The following NOP9 variants were observed in gnomAD, a reference collection of about 807,000 sequenced individuals.
The protein encoded by NOP9 is NOP9 nucleolar protein, also known as nucleolar protein 9.
Under a neutral mutation model 63.0 loss-of-function variants are expected in NOP9, and 50 were observed. The ratio of observed to expected loss-of-function variants is 0.79; its 90% CI spans 0.63 to 1.00. The LOEUF is 1.00. Among genes scored for constraint, NOP9 ranks in the 50% least tolerant of loss-of-function variants. The pLI, the probability that NOP9 is intolerant of heterozygous loss-of-function variation, is 0.00. For missense variants in NOP9, 758 were observed against 803.0 expected, an observed-to-expected ratio of 0.94 and a Z score of 0.68; for synonymous variants, 343 against 332.8, an observed-to-expected ratio of 1.03 and a Z score of -0.33.
rs976542454 is a variant in NOP9 at position 24,300,283 on chromosome 14, G to A, written c.247+82G>A. 2.5e-6 allele frequency: 4 copies of A among 1,578,394 alleles called. No homozygotes were observed. The African/African-American group carries it at 5.4e-5, about 21-fold the overall frequency. On this transcript the variant is annotated intron_variant, in intron 1 of 9. Transcript: ENST00000267425. ...AACTTTCTAGGGTCGGCAGGGCGTG[G>A]GGACTTAGTTTCATTTCCCATGTCC... is the stretch of plus-strand genomic sequence containing the variant.
At chr14:24,293,887 T>G in the NOP9 span, 1 of 152,134 alleles carries the variant, frequency 6.6e-6, no homozygotes, top group Non-Finnish European at 1.5e-5. Flanking sequence ...GCAATACAGG[T>G]GTTAACAGTA....
In NOP9 at chr14:24,307,160, TC is replaced by T; in HGVS notation, c.*2067del. ...TTCTGTCCCTCGAACTCTCCCTATC[TC>T]CTGCTAACCCCTGCTCCCATAGAAA... is the stretch of plus-strand genomic sequence containing the variant. On this transcript the variant is annotated 3_prime_UTR_variant, in exon 10 of 10. Coordinates refer to ENST00000267425, the MANE Select transcript of NOP9 (RefSeq NM_174913.3). 2.1e-6 allele frequency: 1 copy of T among 471,464 alleles called. No individual in the cohort carries two copies. The highest frequency in any genetic ancestry group is 3.8e-6 in the Non-Finnish European group (1 of 265,634). 29.2% of individuals were successfully genotyped at this position (471,464 alleles called of 1,614,324 possible). A position where few individuals can be genotyped will look rare whatever the true frequency, so the allele number is the denominator to read the frequency against.
upstream of NOP9, chr14:24,296,921 G>A (rs748405116): frequency 1.2e-5 from 19 of 1,612,190 alleles, no homozygotes; most frequent in South Asian, 1.9e-4. Flanking sequence ...ATTCACACAT[G>A]GGTGTGAGTC....
In NOP9 at chr14:24,304,157, G is replaced by C. The variant is rs770265170; in HGVS notation, c.1527G>C (p.Leu509Phe). 1 of 1,614,258 alleles carries C rather than the reference G, an allele frequency of 6.2e-7. No individual in the cohort carries two copies. The highest frequency in any genetic ancestry group is 1.7e-5 in the Admixed American group (1 of 60,036). The change falls in exon 8 of 10, where the codon TTG (leucine) becomes TTC (phenylalanine). Residue 509 changes from leucine (L) to phenylalanine (F), a missense_variant. Leu to Phe is a conservative substitution (Grantham distance 22). Coordinates refer to ENST00000267425, the MANE Select transcript of NOP9 (RefSeq NM_174913.3). ...PGLVLRSLGA[L>F]TGPQLLSLAQ... ...TTGTACTTCGAAGTCTGGGTGCCTT[G>C]ACGGGACCACAGCTTCTGTCCCTTG... is the stretch of plus-strand genomic sequence containing the variant.
At chr14:24,292,151 G>A in the NOP9 span, 1 of 1,613,810 alleles carries the variant, frequency 6.2e-7, no homozygotes, top group East Asian at 2.2e-5. Flanking sequence ...CGACTCCCCT[G>A]TTCTCTGCTT....
At chr14:24,281,637 C>T in the NOP9 span, among the ~76,000 whole-genome samples, 24 of 152,184 alleles carry the variant, frequency 1.6e-4, no homozygotes, top group Admixed American at 2.6e-4. Context: ...GGGTAGAAGA[C>T]GCCAGGAGAA....
the NOP9 span, chr14:24,294,227 G>A: frequency 2.0e-5 from 3 of 152,064 alleles, no homozygotes; most frequent in Admixed American, 1.3e-4. Flanking sequence ...CAGATTTGAC[G>A]TAAAATTAAG....
the NOP9 span, among the ~76,000 whole-genome samples, chr14:24,285,855 G>A: frequency 6.6e-6 from 1 of 152,118 alleles, no homozygotes; most frequent in Non-Finnish European, 1.5e-5. Context: ...TGGGCGTGGT[G>A]GCAGGCGCCT....
the NOP9 span, among the ~76,000 whole-genome samples, chr14:24,290,112 A>G: frequency 6.6e-6 from 1 of 152,240 alleles, no homozygotes; most frequent in Non-Finnish European, 1.5e-5. Context: ...TGCATAGGCA[A>G]GGCAGCTCTA....
upstream of NOP9, chr14:24,299,433 C>T (rs554916635): frequency 1.1e-4 from 28 of 264,564 alleles, no homozygotes; most frequent in Admixed American, 1.5e-4. Flanking sequence ...CCCCTCGGGG[C>T]GCGTCCACGC....
Position 24,308,179 on chromosome 14 carries a change from G to A in NOP9, c.*3084G>A, listed in dbSNP as rs1215868782. 7.9e-6 allele frequency: 3 copies of A among 379,986 alleles called. No homozygotes were observed. The allele number at this position is 379,986 out of a possible 1,614,324, so 23.5% of individuals were successfully genotyped here. ...TGTAAAAGGATGAAATGTGACTTCTGGTGTTTTTTTATTTCTATGGAGGGA... is the reference window on the plus strand; with the variant it reads ...TGTAAAAGGATGAAATGTGACTTCTAGTGTTTTTTTATTTCTATGGAGGGA... On this transcript the variant is annotated 3_prime_UTR_variant, in exon 10 of 10. Coordinates refer to ENST00000267425, the MANE Select transcript of NOP9 (RefSeq NM_174913.3).
In NOP9 at chr14:24,300,848, C is replaced by G. The variant is rs1033986201; in HGVS notation, c.688C>G (p.Gln230Glu). 17 of 1,611,970 alleles carry G rather than the reference C, an allele frequency of 1.1e-5. No homozygotes were observed. The highest frequency in any genetic ancestry group is 1.4e-5 in the Non-Finnish European group (16 of 1,178,634). The change falls in exon 2 of 10, where the codon CAA becomes GAA. Residue 230 changes from glutamine (Q) to glutamate (E), a missense_variant. Gln to Glu is a conservative substitution (Grantham distance 29). Coordinates refer to ENST00000267425, the MANE Select transcript of NOP9 (RefSeq NM_174913.3). ...TGAGAGAGCCAGGCCCCGTGGTTCC[C>G]AATCATCTGGTAAGTATTACAAGAG... ...ESERARPRGSQSSEAQKTPAQ... is the reference protein window; with the variant it reads ...ESERARPRGSESSEAQKTPAQ...
the NOP9 span, among the ~76,000 whole-genome samples, chr14:24,283,880 TA>T: frequency 6.6e-6 from 1 of 152,266 alleles, no homozygotes; most frequent in Non-Finnish European, 1.5e-5. Context: ...TGCTCCTCCT[TA>T]GCCCCTGCTC....
At chr14:24,296,813 G>T (rs1293352448), upstream of NOP9, 1 of 1,614,208 alleles carries the variant, frequency 6.2e-7, no homozygotes, top group South Asian at 1.1e-5. Context: ...GCTCAAACAG[G>T]CTTCGCACTT....
chr14:24,292,926 T>A, the NOP9 span: 2 of 1,052,938 alleles, frequency 1.9e-6, no homozygotes, highest in African/African-American at 1.6e-5. Flanking sequence ...CCTGAGGAAT[T>A]AGGGGCTTGA....
the NOP9 span, among the ~76,000 whole-genome samples, chr14:24,277,980 G>A: frequency 2.0e-5 from 3 of 152,200 alleles, no homozygotes; most frequent in Non-Finnish European, 4.4e-5. Flanking sequence ...CTGGGTGCCT[G>A]CCACGTGTCA....
At position 24,308,086 on chromosome 14, in the gene NOP9, C is replaced by G; in HGVS notation, c.*2991C>G. 1 of 583,432 alleles carries G rather than the reference C, an allele frequency of 1.7e-6. No individual in the cohort carries two copies. Among genetic ancestry groups the G allele is most frequent in the Non-Finnish European group, 3.1e-6 (1 of 324,250 alleles). The allele number at this position is 583,432 out of a possible 1,614,324, so 36.1% of individuals were successfully genotyped here. A position where few individuals can be genotyped will look rare whatever the true frequency, so the allele number is the denominator to read the frequency against. Reference sequence around the variant, plus strand: ...GGGTCCTGGAGGAAGAATTGCCTGGCAAAAGCCATTGGAGCTTGTATGTGT... The same window carrying G: ...GGGTCCTGGAGGAAGAATTGCCTGGGAAAAGCCATTGGAGCTTGTATGTGT... On this transcript the variant is annotated 3_prime_UTR_variant, in exon 10 of 10. Transcript: ENST00000267425.
chr14:24,281,857 C>G, the NOP9 span, among the ~76,000 whole-genome samples: 2,366 of 145,904 alleles, frequency 0.016, 68 homozygotes, highest in African/African-American at 0.058. Context: ...AAAGCTTTCA[C>G]CATTCTGCCC....
chr14:24,284,895 C>T, the NOP9 span, among the ~76,000 whole-genome samples: 1 of 152,290 alleles, frequency 6.6e-6, no homozygotes, highest in South Asian at 2.1e-4. Flanking sequence ...CTGTCACTCA[C>T]ATCGTCTCCT....
Sources: gnomAD v4.1 joint callset for allele counts (sites outside exome capture counted in the v4.1 genomes callset) on GRCh38, gnomAD v4.1.1 for gene constraint, MANE v1.5 for transcripts, NCBI Gene and HGNC (gene_info 2026-07-23, HGNC 2026-07-21) for gene names.